The following ATP11C variants were observed in gnomAD, a reference collection of about 807,000 sequenced individuals.
ATP11C encodes phospholipid-transporting ATPase IG.
In ATP11C, 36 loss-of-function variants were observed where a neutral mutation model predicts 97.4. That is an observed-to-expected ratio of 0.37 (90% CI 0.28 to 0.49). The LOEUF (loss-of-function observed/expected upper bound fraction) is 0.49, where lower values mean the gene tolerates loss of function less well. Ranked by LOEUF, ATP11C falls within the 20% of genes least tolerant of loss-of-function variation. ATP11C has a pLI of 0.98. For missense variants in ATP11C, 730 were observed against 824.6 expected (o/e 0.89, Z 1.40); for synonymous variants, 275 against 290.9 (o/e 0.95, Z 0.56).
chrX:139,768,130 G>A, intron 20 of ATP11C, 130 bp downstream of exon 20: 1 of 432,771 alleles, frequency 2.3e-6, no homozygotes, highest in Non-Finnish European at 3.4e-6. Flanking sequence ...AAAGAAAGAA[G>A]CCTTGGAGGA....
chrX:139,901,797 T>G (rs999890924), intron 1 of ATP11C, among the ~76,000 whole-genome samples: 7 of 111,618 alleles, frequency 6.3e-5, no homozygotes, highest in African/African-American at 2.3e-4. Context: ...AATGGGCAAC[T>G]GAAACCTTGG....
intron 5 of ATP11C, among the ~76,000 whole-genome samples, chrX:139,808,529 T>C (rs890397467): frequency 2.7e-5 from 3 of 111,547 alleles, no homozygotes; most frequent in African/African-American, 9.8e-5. Context: ...GAAAGACTCA[T>C]TAGAAACTAT....
chrX:139,785,575 A>C (rs994444126), intron 15 of ATP11C, among the ~76,000 whole-genome samples: 1 of 111,184 alleles, frequency 9.0e-6, no homozygotes, highest in Admixed American at 9.5e-5. Context: ...GAGCTGTCCC[A>C]CCAAGCCATA....
At chrX:139,749,915 T>A (rs1812415113) in intron 24 of ATP11C, 110 bp downstream of exon 24, 2 of 811,013 alleles carry the variant, frequency 2.5e-6, no homozygotes, top group Admixed American at 5.7e-5. Context: ...CAGAACCATA[T>A]AATCATACCA....
At chrX:139,758,168 A>G (rs2081973082) in intron 22 of ATP11C, among the ~76,000 whole-genome samples, 2 of 112,306 alleles carry the variant, frequency 1.8e-5, no homozygotes, top group South Asian at 7.4e-4. Context: ...ATGATACTGT[A>G]TCTTTAACAC....
At chrX:139,910,871 G>A (rs983432120) in intron 1 of ATP11C, among the ~76,000 whole-genome samples, 14 of 110,917 alleles carry the variant, frequency 1.3e-4, no homozygotes, top group Admixed American at 1.3e-3. Flanking sequence ...TGCATATTCT[G>A]AAAACACAGT....
intron 25 of ATP11C, among the ~76,000 whole-genome samples, chrX:139,744,158 A>G (rs957875868): frequency 5.4e-5 from 6 of 111,872 alleles, no homozygotes; most frequent in Admixed American, 3.8e-4. Flanking sequence ...AATGATGGCA[A>G]TGAATGGCAC....
intron 1 of ATP11C, among the ~76,000 whole-genome samples, chrX:139,877,738 A>C (rs745508377): frequency 4.5e-4 from 51 of 112,307 alleles, no homozygotes; most frequent in Non-Finnish European, 8.1e-4. Flanking sequence ...ATGGTAAAAA[A>C]CGGCCAAGCC....
Position 139,802,624 on chromosome X carries a change from TATA to T in ATP11C, c.556-288_556-286del, listed in dbSNP as rs1044820014. 3.6e-5 allele frequency among the ~76,000 whole-genome samples: 4 copies of T among 112,078 alleles called. No homozygotes were observed. The Admixed American group carries it at 3.8e-4, about 11-fold the overall frequency. On this transcript the variant is annotated intron_variant, in intron 6 of 29. Coordinates refer to ENST00000682941, the MANE Select transcript of ATP11C (RefSeq NM_001353812.2). The stretch of plus-strand genomic sequence containing the variant: ...GAGAGAATTCTATTCACAACATGCA[TATA>T]ATTAACTAAAACCACGTGAAAAAGT...
At chrX:139,897,120 G>T (rs913542693) in intron 1 of ATP11C, among the ~76,000 whole-genome samples, 1 of 108,772 alleles carries the variant, frequency 9.2e-6, no homozygotes, top group East Asian at 2.9e-4. Flanking sequence ...CCAGCTACTC[G>T]GGAGGCTGAG....
At position 139,785,262 on chromosome X, in the gene ATP11C, G is replaced by C; in HGVS notation, c.1630C>G (p.Arg544Gly). 1 of 1,207,817 alleles carries C rather than the reference G, an allele frequency of 8.3e-7. No homozygotes were observed. Among genetic ancestry groups the C allele is most frequent in the Non-Finnish European group, 1.1e-6 (1 of 893,280 alleles). ...LLHTLNFDAV[R>G]RRMSVIVKTQ... ...TTCACAATTACACTCATACGTCGCCGGACAGCATCAAAGTTTAAGGTGTGA... is the reference window on the plus strand; with the variant it reads ...TTCACAATTACACTCATACGTCGCCCGACAGCATCAAAGTTTAAGGTGTGA... The change falls in exon 16 of 30, where the codon CGG becomes GGG. Residue 544 changes from arginine (R) to glycine (G), a missense_variant. By Grantham distance (125) the Arg-to-Gly change is moderately radical. Transcript: ENST00000682941.
chrX:139,815,399 T>C (rs1316746659), intron 4 of ATP11C, among the ~76,000 whole-genome samples: 2 of 112,010 alleles, frequency 1.8e-5, no homozygotes, highest in Non-Finnish European at 3.8e-5. Flanking sequence ...TATGCTGTAG[T>C]AGACTGTTCG....
intron 19 of ATP11C, among the ~76,000 whole-genome samples, chrX:139,773,345 G>C (rs1198386558): frequency 9.0e-6 from 1 of 111,017 alleles, no homozygotes; most frequent in East Asian, 2.8e-4. Flanking sequence ...GTTAATGAAG[G>C]TGGGGCCTCC....
At chrX:139,792,964 C>T (rs1258807775) in intron 12 of ATP11C, among the ~76,000 whole-genome samples, 1 of 111,766 alleles carries the variant, frequency 8.9e-6, no homozygotes, top group African/African-American at 3.3e-5. Context: ...TAAAGCTGGT[C>T]GATCAGAAGT....
intron 1 of ATP11C, among the ~76,000 whole-genome samples, chrX:139,895,223 C>T (rs1177461339): frequency 1.8e-5 from 2 of 112,392 alleles, no homozygotes; most frequent in Admixed American, 9.4e-5. Context: ...TTAGGCAGAA[C>T]TTAGATTAAT....
At chrX:139,790,273 T>C (rs943671233) in intron 12 of ATP11C, among the ~76,000 whole-genome samples, 3 of 111,162 alleles carry the variant, frequency 2.7e-5, no homozygotes, top group Admixed American at 9.6e-5. Flanking sequence ...AGAGACAGCA[T>C]CTCACTATGT....
At chrX:139,876,344 C>T (rs1201291979) in intron 1 of ATP11C, among the ~76,000 whole-genome samples, 1 of 112,089 alleles carries the variant, frequency 8.9e-6, no homozygotes, top group South Asian at 3.7e-4. Context: ...AAGCACCCTC[C>T]CAGCCACACA....
upstream of ATP11C, among the ~76,000 whole-genome samples, chrX:139,936,434 A>G (rs1603421815): frequency 2.7e-5 from 3 of 111,588 alleles, no homozygotes; most frequent in East Asian, 5.6e-4. Flanking sequence ...CAGAACTGCA[A>G]AAATGAACTT....
At position 139,800,022 on chromosome X, in the gene ATP11C, C is replaced by CG. The variant is rs760980236; in HGVS notation, c.710+37_710+38insC. ...TTTAACAGAAAAATAGACCCCCCCCCCCAACCAAAGGACAAATTAAAGAAA... is the reference window on the plus strand; with the variant it reads ...TTTAACAGAAAAATAGACCCCCCCCCGCCAACCAAAGGACAAATTAAAGAAA... On this transcript the variant is annotated intron_variant, in intron 8 of 29. Transcript: ENST00000682941. 10 of 600,074 alleles carry CG rather than the reference C, an allele frequency of 1.7e-5. 2 individuals carry two copies. The highest frequency in any genetic ancestry group is 7.1e-4 in the Middle Eastern group (2 of 2,820). The allele number at this position is 600,074 out of a possible 1,213,427, so 49.5% of individuals were successfully genotyped here. A position where few individuals can be genotyped will look rare whatever the true frequency, so the allele number is the denominator to read the frequency against.
Sources: gnomAD v4.1 joint callset for allele counts (sites outside exome capture counted in the v4.1 genomes callset) on GRCh38, gnomAD v4.1.1 for gene constraint, MANE v1.5 for transcripts, NCBI Gene and HGNC (gene_info 2026-07-23, HGNC 2026-07-21) for gene names.